GRB10: variants seen among roughly 807,000 people sequenced by gnomAD.
GRB10 encodes growth factor receptor bound protein 10, also known as growth factor receptor-bound protein 10.
Under a neutral mutation model 80.9 loss-of-function variants are expected in GRB10, and 20 were observed. That is an observed-to-expected ratio of 0.25 (90% CI 0.17 to 0.36). The LOEUF is 0.36. GRB10 is among the 10% of genes least tolerant of loss of function. The probability of loss-of-function intolerance (pLI) is 1.00; values close to 1 mark genes in which losing one functional copy is unlikely to be tolerated. For missense variants in GRB10, 548 were observed against 747.7 expected, an observed-to-expected ratio of 0.73 and a Z score of 3.12; for synonymous variants, 291 against 291.5, an observed-to-expected ratio of 1.00 and a Z score of 0.02.
intron 7 of GRB10, 84 bp downstream of exon 7, chr7:50,669,638 C>A: frequency 2.2e-6 from 3 of 1,368,426 alleles, no homozygotes; most frequent in Non-Finnish European, 3.1e-6. Context: ...CCCTTCTTCC[C>A]AAAGTAATAA....
chr7:50,768,062 C>A (rs1281466886), intron 2 of GRB10, among the ~76,000 whole-genome samples: 1 of 152,132 alleles, frequency 6.6e-6, no homozygotes, highest in Non-Finnish European at 1.5e-5. Context: ...CCCAGCAGCC[C>A]TATGGTGCTG....
intron 1 of GRB10, among the ~76,000 whole-genome samples, chr7:50,791,395 C>T (rs1306475362): frequency 1.3e-5 from 2 of 152,182 alleles, no homozygotes; most frequent in African/African-American, 4.8e-5. Context: ...ACATACCTGA[C>T]CCACGCCATT....
intron 4 of GRB10, among the ~76,000 whole-genome samples, chr7:50,725,766 C>T (rs2153688229): frequency 6.6e-6 from 1 of 152,272 alleles, no homozygotes; most frequent in South Asian, 2.1e-4. Flanking sequence ...TTAGATATGT[C>T]CTTCTAAAAG....
chr7:50,596,123 G>C (rs116768101), intron 17 of GRB10, among the ~76,000 whole-genome samples: 1 of 152,158 alleles, frequency 6.6e-6, no homozygotes, highest in Admixed American at 6.5e-5. Context: ...ACGAAGGAGG[G>C]GGGATCTTCA....
chr7:50,673,229 G>C (rs2060542750), intron 6 of GRB10, among the ~76,000 whole-genome samples: 1 of 152,190 alleles, frequency 6.6e-6, no homozygotes, highest in African/African-American at 2.4e-5. Context: ...GTGAGGGCAA[G>C]GGGCAGTCCC....
rs73344897 is a variant in GRB10, at chr7:50,654,408, C to T, written c.504+15314G>A. ...AGCCTCACAGAGTCCCAGGCAAGGG[C>T]ACCTCTGCAGAGCTTGCCCTGGTCT... On this transcript the variant is annotated intron_variant, in intron 7 of 18. Transcript: ENST00000401949. 2.6e-3 allele frequency among the ~76,000 whole-genome samples: 401 copies of T among 152,298 alleles called. 3 individuals carry two copies. Among genetic ancestry groups the T allele is most frequent in the African/African-American group, 9.3e-3 (386 of 41,568 alleles).
intron 13 of GRB10, among the ~76,000 whole-genome samples, chr7:50,607,526 G>C (rs1182857458): frequency 6.6e-6 from 1 of 152,160 alleles, no homozygotes; most frequent in Admixed American, 6.5e-5. Context: ...TAATCTTATT[G>C]AGTGCCACTA....
chr7:50,696,210 T>C (rs1342191826), intron 5 of GRB10, among the ~76,000 whole-genome samples: 2 of 152,216 alleles, frequency 1.3e-5, no homozygotes, highest in African/African-American at 2.4e-5. Context: ...CTGGAATTGA[T>C]GGGTTTAAAT....
At position 50,674,377 on chromosome 7, in the gene GRB10, T is replaced by C. The variant is rs939343752; in HGVS notation, c.362+59A>G. 22 of 1,507,742 alleles carry C rather than the reference T, an allele frequency of 1.5e-5. No individual in the cohort carries two copies. In the African/African-American group the frequency reaches 1.5e-4, roughly 10 times the overall value. 93.4% of individuals were successfully genotyped at this position (1,507,742 alleles called of 1,614,324 possible). ...ACACCATTTAACTCACAGAGAGCAG[T>C]GTCCCTGCCGACAGCTCTCATCCTT... On this transcript the variant is annotated intron_variant, in intron 6 of 18. Coordinates refer to ENST00000401949, the MANE Select transcript of GRB10 (RefSeq NM_001350814.2).
intron 3 of GRB10, chr7:50,747,616 G>A (rs899236182): frequency 6.6e-6 from 1 of 152,166 alleles, no homozygotes; most frequent in Non-Finnish European, 1.5e-5. Flanking sequence ...AACGCTGAGA[G>A]AAATGGCATG....
chr7:50,763,430 T>C (rs185680607), intron 2 of GRB10, among the ~76,000 whole-genome samples: 1 of 152,216 alleles, frequency 6.6e-6, no homozygotes, highest in African/African-American at 2.4e-5. Context: ...GATCACACTG[T>C]ACAGGCATGG....
chr7:50,674,612 G>A lies in GRB10; in HGVS notation c.186C>T (p.Ser62=), dbSNP rs2060722469. 1 of 1,613,670 alleles carries A rather than the reference G, an allele frequency of 6.2e-7. No individual in the cohort carries two copies. The highest frequency in any genetic ancestry group is 1.3e-5 in the African/African-American group (1 of 74,934). Residue 62 remains serine, a synonymous_variant, in exon 6 of 19, where the codon TCC becomes TCT. Transcript: ENST00000401949. ...TGCAGGCCGAGTACAGGCTCTCCAG[G>A]GATGCATTCATATCGTTCACCAGGG... ...LEALVNDMNA[S]LESLYSACSM... is the part of the protein sequence containing the mutation.
Sources: gnomAD v4.1 joint callset for allele counts (sites outside exome capture counted in the v4.1 genomes callset) on GRCh38, gnomAD v4.1.1 for gene constraint, MANE v1.5 for transcripts, NCBI Gene and HGNC (gene_info 2026-07-23, HGNC 2026-07-21) for gene names.